MEGF11: variants seen among roughly 807,000 people sequenced by gnomAD.
The protein encoded by MEGF11 is multiple epidermal growth factor-like domains protein 11.
MEGF11 carries 126 observed loss-of-function variants against 146.6 expected under a neutral mutation model. The ratio of observed to expected loss-of-function variants is 0.86; its 90% confidence interval spans 0.74 to 1.00. The LOEUF (loss-of-function observed/expected upper bound fraction) is 1.00, where lower values mean the gene tolerates loss of function less well. Among genes scored for constraint, MEGF11 ranks in the 50% least tolerant of loss-of-function variants. The pLI is 0.00. For missense variants in MEGF11, 1,509 were observed against 1,521.2 expected (o/e 0.99, Z 0.13); for synonymous variants, 532 against 583.4 (o/e 0.91, Z 1.27).
Position 66,141,285 on chromosome 15 carries a change from T to TGAGAGA in MEGF11, c.-8-12875_-8-12874insTCTCTC, listed in dbSNP as rs1194937112. Among the ~76,000 whole-genome samples the TGAGAGA allele has an allele frequency of 1.7e-3, 151 of 86,744 alleles. No homozygotes were observed. In the East Asian group the frequency reaches 0.018, roughly 10 times the overall value. The allele number at this position is 86,744 out of a possible 152,430, so 56.9% of individuals were successfully genotyped here. On this transcript the variant is annotated intron_variant, in intron 1 of 25. Coordinates refer to ENST00000395614, the MANE Select transcript of MEGF11 (RefSeq NM_001385028.1). ...GTGTGTGTGTGTGTGTGTGTGTGTG[T>TGAGAGA]GTGTGAGAGAGAGAGAGAGAGAGAC...
chr15:65,928,415 G>A lies in MEGF11; in HGVS notation c.1675+10C>T, dbSNP rs765992197. On this transcript the variant is annotated intron_variant, in intron 13 of 25. Coordinates refer to ENST00000395614, the MANE Select transcript of MEGF11 (RefSeq NM_001385028.1). ...AGTACCTGGGTGGTGGCACAGCAAG[G>A]GAAGGTTACCTGTCCATCCGGCCAG... The A allele has an allele frequency of 6.4e-7, 1 of 1,572,206 alleles. No individual in the cohort carries two copies. The highest frequency in any genetic ancestry group is 1.2e-5 in the South Asian group (1 of 84,732).
intron 5 of MEGF11, among the ~76,000 whole-genome samples, chr15:66,065,606 GC>G (rs1249825040): frequency 6.6e-6 from 1 of 152,212 alleles, no homozygotes; most frequent in East Asian, 1.9e-4. Context: ...GTACTGAGGT[GC>G]CCTTGAAGTC....
chr15:65,986,418 T>C (rs1384287145), intron 5 of MEGF11, among the ~76,000 whole-genome samples: 1 of 152,190 alleles, frequency 6.6e-6, no homozygotes, highest in Admixed American at 6.5e-5. Flanking sequence ...TGACATTCAA[T>C]TTAGAATATT....
chr15:66,099,351 C>A (rs559871769), intron 4 of MEGF11, among the ~76,000 whole-genome samples: 1 of 151,962 alleles, frequency 6.6e-6, no homozygotes, highest in South Asian at 2.1e-4. Context: ...CCCGGCTAAT[C>A]TTTTTGTATT....
At chr15:66,036,920 C>T (rs1436158686) in intron 5 of MEGF11, among the ~76,000 whole-genome samples, 1 of 152,218 alleles carries the variant, frequency 6.6e-6, no homozygotes, top group Non-Finnish European at 1.5e-5. Context: ...TTTCTTTCTT[C>T]CCTGCTTCCC....
intron 5 of MEGF11, among the ~76,000 whole-genome samples, chr15:66,081,338 C>T (rs2085846305): frequency 1.3e-5 from 2 of 152,172 alleles, no homozygotes; most frequent in Non-Finnish European, 2.9e-5. Context: ...AATAAAACAT[C>T]ATGAGCTGTC....
At position 66,017,168 on chromosome 15, in the gene MEGF11, T is replaced by C. The variant is rs904705418; in HGVS notation, c.395-34680A>G. ...GGGGAAGCCACACAGACCAGGCCCATGATTACTGTAATGGAGCTGTCATCT... is the reference window on the plus strand; with the variant it reads ...GGGGAAGCCACACAGACCAGGCCCACGATTACTGTAATGGAGCTGTCATCT... On this transcript the variant is annotated intron_variant, in intron 5 of 25. Transcript: ENST00000395614. Among the ~76,000 whole-genome samples, 3 of 152,128 alleles carry C rather than the reference T, an allele frequency of 2.0e-5. No individual in the cohort carries two copies. The South Asian group carries it at 6.2e-4, about 32-fold the overall frequency.
intron 5 of MEGF11, among the ~76,000 whole-genome samples, chr15:65,991,484 CT>C (rs1022428009): frequency 5.3e-4 from 80 of 152,302 alleles, no homozygotes; most frequent in African/African-American, 1.9e-3. Context: ...AAATTCTTTG[CT>C]ATGGGGAACC....
intron 1 of MEGF11, among the ~76,000 whole-genome samples, chr15:66,141,209 A>T (rs989651524): frequency 7.0e-6 from 1 of 142,196 alleles, no homozygotes; most frequent in Non-Finnish European, 1.5e-5. Flanking sequence ...AGCTTCTGGG[A>T]TGTCTCTGTC....
chr15:66,147,248 T>C (rs932537161), intron 1 of MEGF11, among the ~76,000 whole-genome samples: 1 of 152,140 alleles, frequency 6.6e-6, no homozygotes, highest in African/African-American at 2.4e-5. Flanking sequence ...TTCTGACTCA[T>C]GACCCCTCCC....
Position 66,179,979 on chromosome 15 carries a change from A to G in MEGF11, c.-8-51568T>C, listed in dbSNP as rs548549231. Reference sequence around the variant, plus strand: ...CAAGCCCTCGATAGCTGGGAGACCTATGATCCAGAAACCTTGCTCCCAAGA... The same window carrying G: ...CAAGCCCTCGATAGCTGGGAGACCTGTGATCCAGAAACCTTGCTCCCAAGA... On this transcript the variant is annotated intron_variant, in intron 1 of 25. Coordinates refer to ENST00000395614, the MANE Select transcript of MEGF11 (RefSeq NM_001385028.1). 3.9e-5 allele frequency among the ~76,000 whole-genome samples: 6 copies of G among 152,172 alleles called. No individual in the cohort carries two copies. The South Asian group carries it at 8.3e-4, about 21-fold the overall frequency.
chr15:65,945,663 C>T (rs1596882631), intron 10 of MEGF11, among the ~76,000 whole-genome samples: 1 of 152,136 alleles, frequency 6.6e-6, no homozygotes, highest in South Asian at 2.1e-4. Flanking sequence ...GGATGGACAG[C>T]GTGGTGACTG....
At chr15:65,949,421 G>A (rs1042126189) in intron 10 of MEGF11, among the ~76,000 whole-genome samples, 1 of 152,236 alleles carries the variant, frequency 6.6e-6, no homozygotes, top group Non-Finnish European at 1.5e-5. Context: ...GTTCATTTGG[G>A]TGATGGAGTG....
intron 22 of MEGF11, 53 bp downstream of exon 22, chr15:65,909,687 A>C: frequency 6.7e-7 from 1 of 1,491,926 alleles, no homozygotes. Context: ...TCAATATGGA[A>C]GAAGAATAGG....
intron 5 of MEGF11, among the ~76,000 whole-genome samples, chr15:66,026,321 CG>C (rs1438923364): frequency 1.1e-4 from 17 of 152,178 alleles, no homozygotes; most frequent in Admixed American, 9.2e-4. Flanking sequence ...GCTGCAGGAC[CG>C]GGGACCACAC....
intron 1 of MEGF11, among the ~76,000 whole-genome samples, chr15:66,170,697 C>G (rs1023213094): frequency 6.6e-6 from 1 of 152,118 alleles, no homozygotes; most frequent in Non-Finnish European, 1.5e-5. Context: ...GGGAGGGGGG[C>G]CTTTGAAGTG....
intron 1 of MEGF11, among the ~76,000 whole-genome samples, chr15:66,136,379 C>T (rs1299999942): frequency 6.6e-6 from 1 of 152,156 alleles, no homozygotes; most frequent in Non-Finnish European, 1.5e-5. Context: ...GACAGGGTCT[C>T]TCCCGCCACA....
chr15:66,171,701 G>A (rs896456852), intron 1 of MEGF11, among the ~76,000 whole-genome samples: 10 of 143,244 alleles, frequency 7.0e-5, no homozygotes, highest in Admixed American at 6.3e-4. Context: ...CCCACGCAAC[G>A]CTCCCTCCTG....
At chr15:66,245,843 T>A (rs554915414) in intron 1 of MEGF11, among the ~76,000 whole-genome samples, 1 of 152,270 alleles carries the variant, frequency 6.6e-6, no homozygotes, top group African/African-American at 2.4e-5. Flanking sequence ...CATACACCTA[T>A]GCACTATGCT....
Sources: gnomAD v4.1 joint callset for allele counts (sites outside exome capture counted in the v4.1 genomes callset) on GRCh38, gnomAD v4.1.1 for gene constraint, MANE v1.5 for transcripts, NCBI Gene and HGNC (gene_info 2026-07-23, HGNC 2026-07-21) for gene names.